Variants in DLGAP2 observed in about 807,000 individuals in gnomAD.
The protein encoded by DLGAP2 is DLG associated protein 2, also known as disks large-associated protein 2.
Under a neutral mutation model 100.3 loss-of-function variants are expected in DLGAP2, and 26 were observed. The observed-to-expected ratio is 0.26, with a 90% CI of 0.19 to 0.36. The LOEUF (loss-of-function observed/expected upper bound fraction) is 0.36, where lower values mean the gene tolerates loss of function less well. Ranked by LOEUF, DLGAP2 falls within the 10% of genes least tolerant of loss-of-function variation. The pLI, the probability that DLGAP2 is intolerant of heterozygous loss-of-function variation, is 1.00. For missense variants in DLGAP2, 1,858 were observed against 1,453.2 expected, an observed-to-expected ratio of 1.28 and a Z score of -4.53; for synonymous variants, 886 against 630.1, an observed-to-expected ratio of 1.41 and a Z score of -6.08.
intron 3 of DLGAP2, among the ~76,000 whole-genome samples, chr8:1,421,124 T>C (rs943531764): frequency 6.6e-6 from 1 of 152,204 alleles, no homozygotes; most frequent in Non-Finnish European, 1.5e-5. Flanking sequence ...TTATCCAAAG[T>C]ATGTTTTTCA....
At chr8:1,575,404 T>C (rs1201133971) in intron 6 of DLGAP2, among the ~76,000 whole-genome samples, 1 of 151,144 alleles carries the variant, frequency 6.6e-6, no homozygotes, top group African/African-American at 2.4e-5. Context: ...GTGCGGAAAA[T>C]GGAGAGTTGA....
At chr8:1,235,087 A>C (rs1406775413) in intron 2 of DLGAP2, among the ~76,000 whole-genome samples, 1 of 150,296 alleles carries the variant, frequency 6.7e-6, no homozygotes, top group East Asian at 2.0e-4. Flanking sequence ...GTTCCCTCTC[A>C]CATGGCGTCG....
At chr8:1,179,211 C>T (rs140024040) in intron 2 of DLGAP2, among the ~76,000 whole-genome samples, 121 of 152,360 alleles carry the variant, frequency 7.9e-4, no homozygotes, top group African/African-American at 2.8e-3. Flanking sequence ...TGTTTTTCTC[C>T]ACTTTGCAAT....
chr8:1,509,059 A>G (rs113567489), intron 4 of DLGAP2, among the ~76,000 whole-genome samples: 4,641 of 152,246 alleles, frequency 0.03, 136 homozygotes, highest in African/African-American at 0.075. Flanking sequence ...TAGGCCGGGC[A>G]CGGTGGCTCA....
intron 2 of DLGAP2, among the ~76,000 whole-genome samples, chr8:1,136,327 A>C (rs76326407): frequency 7.2e-5 from 11 of 152,126 alleles, no homozygotes; most frequent in African/African-American, 2.6e-4. Flanking sequence ...CCCATCAGCC[A>C]TGAAGTGGGC....
intron 3 of DLGAP2, among the ~76,000 whole-genome samples, chr8:1,350,729 G>A (rs1801699044): frequency 2.1e-5 from 2 of 93,392 alleles, no homozygotes; most frequent in African/African-American, 4.1e-5. Flanking sequence ...AAGGCCGTGC[G>A]GGTCCTGAGT....
intron 3 of DLGAP2, among the ~76,000 whole-genome samples, chr8:1,277,755 C>A (rs900099762): frequency 6.6e-6 from 1 of 152,160 alleles, no homozygotes; most frequent in African/African-American, 2.4e-5. Context: ...GGAGCACCCC[C>A]ACCCTTGGCA....
intron 2 of DLGAP2, among the ~76,000 whole-genome samples, chr8:1,049,287 A>G (rs939688619): frequency 3.3e-5 from 5 of 152,172 alleles, no homozygotes; most frequent in Admixed American, 6.5e-5. Context: ...TTATGCAAAT[A>G]TCAATGTTAG....
rs183191005 is a variant in DLGAP2 at position 1,628,373 on chromosome 8, C to G, written c.1590+1486C>G. Among the ~76,000 whole-genome samples the G allele has an allele frequency of 9.3e-5, 13 of 139,474 alleles. 1 individual carries two copies. Among genetic ancestry groups the G allele is most frequent in the East Asian group, 2.1e-4 (1 of 4,682 alleles). The allele number at this position is 139,474 out of a possible 152,430, so 91.5% of individuals were successfully genotyped here. On this transcript the variant is annotated intron_variant, in intron 7 of 14. Transcript: ENST00000637795. ...AGCAGGGATTAAGAGCTTGAGCCAA[C>G]CTCACATTCTCTCTGACTTACTGTG...
chr8:928,476 G>A (rs531706947), intron 2 of DLGAP2, among the ~76,000 whole-genome samples: 18 of 152,290 alleles, frequency 1.2e-4, no homozygotes, highest in African/African-American at 4.1e-4. Context: ...TCCCCAGCTT[G>A]GTGCTCAGGT....
At chr8:1,527,391 C>T (rs573094754) in intron 4 of DLGAP2, among the ~76,000 whole-genome samples, 14 of 152,346 alleles carry the variant, frequency 9.2e-5, no homozygotes, top group African/African-American at 2.9e-4. Flanking sequence ...GGCAAGCTCC[C>T]GCTTCTCACG....
intron 2 of DLGAP2, among the ~76,000 whole-genome samples, chr8:953,174 A>G (rs984334417): frequency 6.6e-6 from 1 of 152,118 alleles, no homozygotes; most frequent in African/African-American, 2.4e-5. Flanking sequence ...CAGATATTCG[A>G]AATTTCTATG....
intron 2 of DLGAP2, among the ~76,000 whole-genome samples, chr8:1,004,591 T>C (rs1261539125): frequency 1.3e-5 from 2 of 152,176 alleles, no homozygotes; most frequent in Non-Finnish European, 2.9e-5. Context: ...ATAGTGCCTG[T>C]GAAGGGATCG....
chr8:1,063,611 G>T (rs557259815), intron 2 of DLGAP2, among the ~76,000 whole-genome samples: 2 of 147,218 alleles, frequency 1.4e-5, no homozygotes, highest in Non-Finnish European at 3.0e-5. Flanking sequence ...TGATGAAATA[G>T]AATGTCAGTA....
intron 4 of DLGAP2, among the ~76,000 whole-genome samples, chr8:1,525,634 A>T (rs1313125095): frequency 6.6e-6 from 1 of 152,244 alleles, no homozygotes; most frequent in Non-Finnish European, 1.5e-5. Flanking sequence ...TAGTAGATTT[A>T]AAAAGTCACC....
intron 5 of DLGAP2, among the ~76,000 whole-genome samples, chr8:1,555,035 A>C (rs1801912400): frequency 6.6e-6 from 1 of 152,172 alleles, no homozygotes; most frequent in Non-Finnish European, 1.5e-5. Context: ...GCACGTTTGC[A>C]ATTTGAAAGG....
intron 1 of DLGAP2, among the ~76,000 whole-genome samples, chr8:858,282 T>C (rs1797320031): frequency 6.6e-6 from 1 of 152,242 alleles, no homozygotes; most frequent in Non-Finnish European, 1.5e-5. Flanking sequence ...TGAAAGGACG[T>C]GGAGCAACCG....
intron 2 of DLGAP2, among the ~76,000 whole-genome samples, chr8:1,037,168 C>T (rs1305189043): frequency 6.6e-6 from 1 of 152,168 alleles, no homozygotes; most frequent in Non-Finnish European, 1.5e-5. Context: ...CTGCCGCCTG[C>T]ACCCAGGGAG....
intron 2 of DLGAP2, among the ~76,000 whole-genome samples, chr8:1,203,761 T>A (rs555179411): frequency 6.6e-6 from 1 of 152,200 alleles, no homozygotes; most frequent in Non-Finnish European, 1.5e-5. Context: ...TGATGAAATA[T>A]CACTGTTATT....
Sources: allele counts gnomAD v4.1 joint callset (sites outside exome capture counted in the v4.1 genomes callset), GRCh38; gene constraint gnomAD v4.1.1; transcripts MANE v1.5; gene names NCBI Gene and HGNC (gene_info 2026-07-23, HGNC 2026-07-21).